Variants in KALRN observed in about 807,000 individuals in gnomAD.
KALRN encodes kalirin.
A neutral mutation model predicts 353.7 loss-of-function variants in KALRN; 70 were observed. The ratio of observed to expected loss-of-function variants is 0.20; its 90% CI spans 0.16 to 0.24. The LOEUF (loss-of-function observed/expected upper bound fraction) is 0.24, where lower values mean the gene tolerates loss of function less well. KALRN is among the 10% of genes least tolerant of loss of function. The probability of loss-of-function intolerance (pLI) is 1.00; values close to 1 mark genes in which losing one functional copy is unlikely to be tolerated. For synonymous variants in KALRN, 1,391 were observed against 1,434.8 expected (o/e 0.97, Z 0.69); for missense variants, 2,791 against 3,756.7 (o/e 0.74, Z 6.72).
intron 58 of KALRN, among the ~76,000 whole-genome samples, chr3:124,715,862 T>A (rs2063112184): frequency 6.6e-6 from 1 of 152,214 alleles, no homozygotes; most frequent in Non-Finnish European, 1.5e-5. Context: ...TAGTTACCAT[T>A]TATTTAGCAC....
chr3:124,694,686 TAGTC>T (rs1207505165), intron 53 of KALRN, among the ~76,000 whole-genome samples, 183 bp downstream of exon 53: 9 of 152,148 alleles, frequency 5.9e-5, no homozygotes, highest in Non-Finnish European at 1.2e-4. Flanking sequence ...ACTCAAGTGT[TAGTC>T]AGAGCCTCTG....
chr3:124,152,661 G>A (rs1186381112), intron 1 of KALRN: 8 of 567,506 alleles, frequency 1.4e-5, no homozygotes, highest in South Asian at 1.4e-4. Flanking sequence ...TGGTGCAATC[G>A]AGGCTCACTG....
intron 9 of KALRN, among the ~76,000 whole-genome samples, chr3:124,336,795 A>T (rs986841096): frequency 3.9e-5 from 6 of 151,982 alleles, no homozygotes; most frequent in Non-Finnish European, 5.9e-5. Context: ...TTTTCCATTT[A>T]TTTGTGTCCT....
intron 33 of KALRN, among the ~76,000 whole-genome samples, chr3:124,555,258 G>T (rs1244069603): frequency 6.6e-6 from 1 of 151,822 alleles, no homozygotes; most frequent in Non-Finnish European, 1.5e-5. Flanking sequence ...TCAGCCCGGC[G>T]CAGTGGCTCA....
intron 47 of KALRN, among the ~76,000 whole-genome samples, chr3:124,670,438 C>T (rs1382567981): frequency 6.6e-6 from 1 of 152,166 alleles, no homozygotes; most frequent in African/African-American, 2.4e-5. Context: ...CTCTGGTGGG[C>T]CTGTTATTAC....
At chr3:124,513,746 T>G (rs1226516086) in intron 33 of KALRN, among the ~76,000 whole-genome samples, 1 of 152,276 alleles carries the variant, frequency 6.6e-6, no homozygotes, top group East Asian at 1.9e-4. Context: ...ATAGATTGAA[T>G]GTTGCTGGCT....
At chr3:124,301,053 A>T (rs1056495072) in intron 6 of KALRN, among the ~76,000 whole-genome samples, 5 of 152,220 alleles carry the variant, frequency 3.3e-5, no homozygotes, top group Non-Finnish European at 5.9e-5. Flanking sequence ...ACATTACCCA[A>T]CAGCCTGGCC....
intron 33 of KALRN, among the ~76,000 whole-genome samples, chr3:124,534,728 G>T (rs1406722243): frequency 6.6e-6 from 1 of 151,974 alleles, no homozygotes; most frequent in Non-Finnish European, 1.5e-5. Flanking sequence ...AAGATATGAG[G>T]TGTCTAATTC....
At chr3:124,175,412 C>T (rs903524414) in intron 1 of KALRN, among the ~76,000 whole-genome samples, 9 of 142,844 alleles carry the variant, frequency 6.3e-5, no homozygotes, top group African/African-American at 2.7e-5. Context: ...CTCCAGGATG[C>T]GGAGATGCGC....
chr3:124,673,623 C>A (rs2086783073), intron 48 of KALRN, among the ~76,000 whole-genome samples: 1 of 151,006 alleles, frequency 6.6e-6, no homozygotes, highest in Non-Finnish European at 1.5e-5. Context: ...TATGTATATG[C>A]ATATAGAATA....
chr3:124,721,928 A>C lies in KALRN; in HGVS notation c.*2458A>C, dbSNP rs1293274412. Reference sequence around the variant, plus strand: ...AGCCGAGATTGCACCACTGCACTCTAGCCTGGGCAATAAGAGCAAAATTCT... The same window carrying C: ...AGCCGAGATTGCACCACTGCACTCTCGCCTGGGCAATAAGAGCAAAATTCT... On this transcript the variant is annotated 3_prime_UTR_variant, in exon 60 of 60. Coordinates refer to ENST00000682506, the MANE Select transcript of KALRN (RefSeq NM_001388419.1). 1 of 152,278 alleles carries C rather than the reference A, an allele frequency of 6.6e-6. No individual in the cohort carries two copies. The allele number at this position is 152,278 out of a possible 1,614,324, so 9.4% of individuals were successfully genotyped here.
intron 13 of KALRN, among the ~76,000 whole-genome samples, chr3:124,405,601 GTTAA>G (rs1349397485): frequency 1.4e-5 from 2 of 142,846 alleles, no homozygotes; most frequent in African/African-American, 5.2e-5. Context: ...TCCCAACCCT[GTTAA>G]TTGACAGTTG....
intron 34 of KALRN, among the ~76,000 whole-genome samples, chr3:124,611,651 C>T (rs1049267029): frequency 2.6e-5 from 4 of 152,292 alleles, no homozygotes; most frequent in South Asian, 4.1e-4. Context: ...CTATGTCACA[C>T]CCCGGCCCCT....
In KALRN at chr3:124,186,337, G is replaced by T. The variant is rs151200111; in HGVS notation, c.74-41653G>T. Among the ~76,000 whole-genome samples the T allele has an allele frequency of 2.4e-3, 362 of 152,258 alleles. 3 individuals are homozygous for T. Among genetic ancestry groups the T allele is most frequent in the African/African-American group, 7.8e-3 (322 of 41,528 alleles). On this transcript the variant is annotated intron_variant, in intron 1 of 59. Transcript: ENST00000682506. Reference sequence around the variant, plus strand: ...GCCAGGCTTCCTGAGTTCAGTCCTGGTTCTGTTATTTCCCTTCTCTGTTCC... The same window carrying T: ...GCCAGGCTTCCTGAGTTCAGTCCTGTTTCTGTTATTTCCCTTCTCTGTTCC...
At chr3:124,584,687 C>T (rs1254075452) in intron 34 of KALRN, 1 of 1,433,214 alleles carries the variant, frequency 7.0e-7, no homozygotes, top group African/African-American at 1.5e-5. Context: ...GAGCTGCGGC[C>T]GCGGTGCGGG....
intron 1 of KALRN, among the ~76,000 whole-genome samples, chr3:124,217,254 G>C (rs148070546): frequency 6.6e-6 from 1 of 152,164 alleles, no homozygotes; most frequent in African/African-American, 2.4e-5. Context: ...ACATATAGGT[G>C]CTCAATAAAT....
chr3:124,536,431 A>G (rs1042420958), intron 33 of KALRN, among the ~76,000 whole-genome samples: 4 of 151,680 alleles, frequency 2.6e-5, no homozygotes, highest in African/African-American at 9.7e-5. Flanking sequence ...TGAACTCCTG[A>G]CCTCAGGTGA....
At chr3:124,516,649 A>C (rs1287175497) in intron 33 of KALRN, among the ~76,000 whole-genome samples, 3 of 151,874 alleles carry the variant, frequency 2.0e-5, no homozygotes, top group African/African-American at 7.2e-5. Context: ...AAAAAAAAAA[A>C]AAAAAACCTG....
chr3:124,680,018 C>T (rs16835851), intron 51 of KALRN, among the ~76,000 whole-genome samples: 18,764 of 152,118 alleles, frequency 0.12, 1,256 homozygotes, highest in African/African-American at 0.17. Context: ...AGAAAAATAA[C>T]GGGTGAAGTA....
Sources: gnomAD v4.1 joint callset for allele counts (sites outside exome capture counted in the v4.1 genomes callset) on GRCh38, gnomAD v4.1.1 for gene constraint, MANE v1.5 for transcripts, NCBI Gene and HGNC (gene_info 2026-07-23, HGNC 2026-07-21) for gene names.